FER: variants seen among roughly 807,000 people sequenced by gnomAD.
FER encodes FER tyrosine kinase, also known as tyrosine-protein kinase Fer.
A neutral mutation model predicts 111.0 loss-of-function variants in FER; 63 were observed. The ratio of observed to expected loss-of-function variants is 0.57; its 90% confidence interval spans 0.46 to 0.70. FER has a LOEUF of 0.70. Ranked by LOEUF, FER falls within the 30% of genes least tolerant of loss-of-function variation. The probability of loss-of-function intolerance (pLI) is 0.00; values close to 1 mark genes in which losing one functional copy is unlikely to be tolerated. For synonymous variants in FER, 327 were observed against 313.9 expected (o/e 1.04, Z -0.44); for missense variants, 914 against 954.0 (o/e 0.96, Z 0.55).
At chr5:108,845,822 A>G (rs1761976502) in intron 5 of FER, among the ~76,000 whole-genome samples, 1 of 152,156 alleles carries the variant, frequency 6.6e-6, no homozygotes, top group Non-Finnish European at 1.5e-5. Context: ...GTTAGAATGG[A>G]TGTTGGATCT....
intron 16 of FER, among the ~76,000 whole-genome samples, chr5:109,054,237 T>G (rs910407328): frequency 2.0e-5 from 3 of 152,204 alleles, no homozygotes; most frequent in African/African-American, 7.2e-5. Context: ...TTTGTTCTAG[T>G]TTACATTCCC....
chr5:109,056,283 A>G (rs747305150), intron 16 of FER, among the ~76,000 whole-genome samples: 8 of 152,242 alleles, frequency 5.3e-5, no homozygotes, highest in Non-Finnish European at 1.0e-4. Context: ...TATGTATTGC[A>G]GTGTTACTCA....
intron 16 of FER, among the ~76,000 whole-genome samples, chr5:109,081,013 GAGATGGTGGT>G (rs1776928681): frequency 6.6e-6 from 1 of 152,064 alleles, no homozygotes; most frequent in Non-Finnish European, 1.5e-5. Context: ...AGGGAACCCA[GAGATGGTGGT>G]TAAATAGTCT....
At chr5:109,017,062 C>A (rs142638810) in intron 13 of FER, among the ~76,000 whole-genome samples, 1,780 of 152,110 alleles carry the variant, frequency 0.012, 31 homozygotes, top group African/African-American at 0.04. Flanking sequence ...TTTGTTATGG[C>A]AGCCTAAGCT....
chr5:108,939,572 G>A (rs1755974915), intron 10 of FER, among the ~76,000 whole-genome samples: 1 of 152,068 alleles, frequency 6.6e-6, no homozygotes, highest in Non-Finnish European at 1.5e-5. Flanking sequence ...CCTACAGTGT[G>A]ACAGTTTCTC....
rs1561695264 is a variant in FER at position 108,969,616 on chromosome 5, T to TTTTTTTTTTTTTTTTTTTGA, written c.1656+10269_1656+10270insTTTTTTTTTTTTTTTTTTGA. The stretch of plus-strand genomic sequence containing the variant: ...GTTATATTTTACATTTTAATTTTTT[T>TTTTTTTTTTTTTTTTTTTGA]GAACACTGTGAATGTATTACCTATT... On this transcript the variant is annotated intron_variant, in intron 13 of 19. Coordinates refer to ENST00000281092, the MANE Select transcript of FER (RefSeq NM_005246.4). Among the ~76,000 whole-genome samples, 28 of 149,152 alleles carry TTTTTTTTTTTTTTTTTTTGA rather than the reference T, an allele frequency of 1.9e-4. 2 individuals are homozygous for TTTTTTTTTTTTTTTTTTTGA. The highest frequency in any genetic ancestry group is 6.2e-4 in the African/African-American group (24 of 38,520).
chr5:108,892,405 T>A (rs1581080781), intron 9 of FER, among the ~76,000 whole-genome samples: 1 of 152,356 alleles, frequency 6.6e-6, no homozygotes, highest in East Asian at 1.9e-4. Context: ...TTTGCATTTC[T>A]CTGATGGCCA....
chr5:109,056,267 C>G (rs1256493408), intron 16 of FER, among the ~76,000 whole-genome samples: 1 of 152,162 alleles, frequency 6.6e-6, no homozygotes, highest in South Asian at 2.1e-4. Context: ...GATATGTGCA[C>G]TCCTATATGT....
intron 10 of FER, among the ~76,000 whole-genome samples, chr5:108,906,141 T>G (rs1750729830): frequency 6.6e-6 from 1 of 152,170 alleles, no homozygotes; most frequent in Admixed American, 6.5e-5. Flanking sequence ...CACTCTTGGG[T>G]TTGTTGCAGG....
chr5:109,051,643 G>A (rs531499352), intron 16 of FER: 1 of 1,579,502 alleles, frequency 6.3e-7, no homozygotes, highest in East Asian at 2.2e-5. Flanking sequence ...AGCAGTTGGT[G>A]AGGAGCAGCC....
At chr5:108,884,308 T>G (rs575075294) in intron 9 of FER, among the ~76,000 whole-genome samples, 1 of 152,094 alleles carries the variant, frequency 6.6e-6, no homozygotes, top group South Asian at 2.1e-4. Context: ...TATCCTCCAC[T>G]TATTTCAGAT....
rs115079579 is a variant in FER at position 109,185,162 on chromosome 5, G to A, written c.2204-1038G>A. Among the ~76,000 whole-genome samples, 1,379 of 152,228 alleles carry A rather than the reference G, an allele frequency of 9.1e-3. 18 individuals carry two copies. The highest frequency in any genetic ancestry group is 0.013 in the Non-Finnish European group (867 of 67,992). ...ACGTCCATCTCCAGAAGACAACCTT[G>A]TGCTGGTTTGTATCTTTGTGCTTCT... On this transcript the variant is annotated intron_variant, in intron 18 of 19. Coordinates refer to ENST00000281092, the MANE Select transcript of FER (RefSeq NM_005246.4).
At chr5:108,900,012 G>A (rs947236639) in intron 10 of FER, among the ~76,000 whole-genome samples, 3 of 152,106 alleles carry the variant, frequency 2.0e-5, no homozygotes, top group Non-Finnish European at 2.9e-5. Context: ...ACAAGATGGT[G>A]CTGCATATTT....
intron 8 of FER, among the ~76,000 whole-genome samples, chr5:108,879,701 A>AATATATATATATATATATATATATATAT (rs1554084618): frequency 7.7e-4 from 76 of 99,056 alleles, no homozygotes; most frequent in South Asian, 1.3e-3. Context: ...ATTAAAAAAA[A>AATATATATATATATATATATATATATAT]ATATATATAT....
intron 5 of FER, among the ~76,000 whole-genome samples, chr5:108,859,135 C>G (rs1222702082): frequency 6.6e-6 from 1 of 152,104 alleles, no homozygotes; most frequent in Non-Finnish European, 1.5e-5. Flanking sequence ...AATGTTTTTT[C>G]TCCACATCCT....
intron 13 of FER, among the ~76,000 whole-genome samples, chr5:109,031,856 A>G (rs553075963): frequency 7.5e-4 from 114 of 152,282 alleles, no homozygotes; most frequent in African/African-American, 2.6e-3. Context: ...CATCACTTAC[A>G]TTACTCATGT....
chr5:108,835,247 T>A (rs573293182), intron 4 of FER, among the ~76,000 whole-genome samples: 52 of 128,122 alleles, frequency 4.1e-4, no homozygotes, highest in Non-Finnish European at 6.8e-4. Context: ...AGTGGTGTGA[T>A]CTTGGCTCAT....
intron 13 of FER, among the ~76,000 whole-genome samples, chr5:108,969,734 TAAG>T (rs1760382369): frequency 6.7e-6 from 1 of 148,154 alleles, no homozygotes; most frequent in South Asian, 2.1e-4. Flanking sequence ...AAATTATTGA[TAAG>T]AAGACAAAAT....
chr5:108,757,273 A>G (rs1751220602), intron 1 of FER, among the ~76,000 whole-genome samples: 1 of 152,170 alleles, frequency 6.6e-6, no homozygotes, highest in African/African-American at 2.4e-5. Context: ...TAAGATATTC[A>G]TGCTCCTGGC....
Sources: gnomAD v4.1 joint callset for allele counts (sites outside exome capture counted in the v4.1 genomes callset) on GRCh38, gnomAD v4.1.1 for gene constraint, MANE v1.5 for transcripts, NCBI Gene and HGNC (gene_info 2026-07-23, HGNC 2026-07-21) for gene names.